The following CIZ1 variants were observed in gnomAD, a reference collection of about 807,000 sequenced individuals.
CIZ1 encodes CDKN1A interacting zinc finger protein 1, also known as cip1-interacting zinc finger protein.
In CIZ1, 58 loss-of-function variants were observed where a neutral mutation model predicts 118.6. That is an observed-to-expected ratio of 0.49 (90% confidence interval 0.40 to 0.61). The LOEUF is 0.61. Ranked by LOEUF, CIZ1 falls within the 20% of genes least tolerant of loss-of-function variation. The pLI is 0.00. For synonymous variants in CIZ1, 448 were observed against 443.4 expected (o/e 1.01, Z -0.13); for missense variants, 921 against 1,115.9 (o/e 0.83, Z 2.49).
chr9:128,195,734 C>A (rs1207906520), upstream of CIZ1, among the ~76,000 whole-genome samples: 1 of 152,124 alleles, frequency 6.6e-6, no homozygotes, highest in Non-Finnish European at 1.5e-5. Context: ...AATATGTTTA[C>A]CCCCTCATAG....
At position 128,177,546 on chromosome 9, in the gene CIZ1, C is replaced by CCAAAAAAAAGGA; in HGVS notation, c.1818+19_1818+20insTCCTTTTTTTTG. ...CACGCAGGCCCCACCCCTCCCCACCCTTATCTCCTGTATCAGTACCTGCTG... is the reference window on the plus strand; with the variant it reads ...CACGCAGGCCCCACCCCTCCCCACCCCAAAAAAAAGGATTATCTCCTGTATCAGTACCTGCTG... On this transcript the variant is annotated intron_variant, in intron 10 of 16. Coordinates refer to ENST00000372938, the MANE Select transcript of CIZ1 (RefSeq NM_001131016.2). 7.4e-7 allele frequency: 1 copy of CCAAAAAAAAGGA among 1,353,452 alleles called. No individual in the cohort carries two copies. Among genetic ancestry groups the CCAAAAAAAAGGA allele is most frequent in the Admixed American group, 2.6e-5 (1 of 38,496 alleles). The allele number at this position is 1,353,452 out of a possible 1,614,324, so 83.8% of individuals were successfully genotyped here. A position where few individuals can be genotyped will look rare whatever the true frequency, so the allele number is the denominator to read the frequency against.
chr9:128,200,663 A>AC (rs1414509487), intron 1 of CIZ1, among the ~76,000 whole-genome samples: 2 of 150,740 alleles, frequency 1.3e-5, no homozygotes, highest in African/African-American at 4.9e-5. Context: ...GTCTCAAAAA[A>AC]AAAAAAAGAA....
chr9:128,177,528 G>GCCCCCCCCCCCCCCCCCCCAA, intron 10 of CIZ1, 38 bp downstream of exon 10: 1 of 1,164,646 alleles, frequency 8.6e-7, no homozygotes, highest in East Asian at 2.9e-5. Flanking sequence ...TTCCACGCAG[G>GCCCCCCCCCCCCCCCCCCCAA]CCCCACCCCT....
At position 128,166,476 on chromosome 9, in the gene CIZ1, T is replaced by G. The variant is rs1829438208; in HGVS notation, c.2488-70A>C. 1 of 1,249,852 alleles carries G rather than the reference T, an allele frequency of 8.0e-7. No homozygotes were observed. The highest frequency in any genetic ancestry group is 1.1e-6 in the Non-Finnish European group (1 of 904,702). The allele number at this position is 1,249,852 out of a possible 1,614,324, so 77.4% of individuals were successfully genotyped here. On this transcript the variant is annotated intron_variant, in intron 16 of 16. Coordinates refer to ENST00000372938, the MANE Select transcript of CIZ1 (RefSeq NM_001131016.2). The surrounding 1 kb of genome is among the most constrained non-coding windows in gnomAD (Gnocchi z 4.4). ...TGGTATGCTCCTGGCCAGCAGCTAC[T>G]TCCCCAGCTCTGGCTGAGACAGTAT...
chr9:128,192,016 G>T, upstream of CIZ1: 1 of 932,944 alleles, frequency 1.1e-6, no homozygotes, highest in Non-Finnish European at 1.5e-6. Flanking sequence ...ACGGAGGGGT[G>T]GAGGGAGAGT....
Position 128,177,569 on chromosome 9 carries a change from C to A in CIZ1, c.1815G>T (p.Gln605His). The A allele has an allele frequency of 7.4e-7, 1 of 1,352,554 alleles. No individual in the cohort carries two copies. Among genetic ancestry groups the A allele is most frequent in the African/African-American group, 1.4e-5 (1 of 69,590 alleles). The allele number at this position is 1,352,554 out of a possible 1,614,324, so 83.8% of individuals were successfully genotyped here. A position where few individuals can be genotyped will look rare whatever the true frequency, so the allele number is the denominator to read the frequency against. Reference sequence around the variant, plus strand: ...CCCTTATCTCCTGTATCAGTACCTGCTGGCTGGAGCAGCTGGCCTTGCAGA... The same window carrying A: ...CCCTTATCTCCTGTATCAGTACCTGATGGCTGGAGCAGCTGGCCTTGCAGA... ...CYICKASCSS[Q>H]QEFQDHMSEP... Residue 605 changes from glutamine to histidine, a missense_variant, in exon 10 of 17, where the codon CAG becomes CAT. By Grantham distance (24) the Gln-to-His change is conservative. Coordinates refer to ENST00000372938, the MANE Select transcript of CIZ1 (RefSeq NM_001131016.2).
At chr9:128,191,906 G>T (rs1018803416), upstream of CIZ1, 1 of 1,441,536 alleles carries the variant, frequency 6.9e-7, no homozygotes, top group Non-Finnish European at 9.1e-7. The surrounding 1 kb of genome is among the most constrained non-coding windows in gnomAD (Gnocchi z 5.5). Flanking sequence ...GCGGGGCTGC[G>T]GTGAGAGGGG....
upstream of CIZ1, chr9:128,191,952 C>G: frequency 1.4e-6 from 2 of 1,395,306 alleles, no homozygotes; most frequent in Middle Eastern, 1.8e-4. This position sits in a 1 kb window ranked among gnomAD's most constrained non-coding sequence, Gnocchi z 5.5. Flanking sequence ...ATTCGAGGGA[C>G]CCAGGCCAGG....
Position 128,169,124 on chromosome 9 carries a change from C to T in CIZ1, c.2223G>A (p.Glu741=). 1 of 1,614,194 alleles carries T rather than the reference C, an allele frequency of 6.2e-7. No individual in the cohort carries two copies. The highest frequency in any genetic ancestry group is 8.5e-7 in the Non-Finnish European group (1 of 1,180,036). The part of the protein sequence containing the change: ...FITVDAVGCF[E]GDEEEEEDDE... ...CATCCTCTTCCTCTTCTTCATCACC[C>T]TCGAAGCAACCCACAGCGTCCACTG... is the stretch of plus-strand genomic sequence containing the variant. The change falls in exon 14 of 17, where the codon GAG becomes GAA. Residue 741 remains glutamate, a synonymous_variant. Transcript: ENST00000372938.
At chr9:128,182,559 C>T (rs554967396) in intron 5 of CIZ1, among the ~76,000 whole-genome samples, 6 of 152,286 alleles carry the variant, frequency 3.9e-5, no homozygotes, top group Admixed American at 2.0e-4. Context: ...ACACTCTGCA[C>T]ACCCACCCCT....
upstream of CIZ1, among the ~76,000 whole-genome samples, chr9:128,193,774 C>T (rs1452087175): frequency 1.3e-5 from 2 of 152,160 alleles, no homozygotes; most frequent in Non-Finnish European, 2.9e-5. Context: ...GATCTGGGTG[C>T]TAGCGTTGGA....
chr9:128,180,935 C>G (rs1446868928), intron 5 of CIZ1, 121 bp from the exon 6 acceptor site: 38 of 723,054 alleles, frequency 5.3e-5, no homozygotes, highest in South Asian at 4.3e-4. Context: ...CTCTGGTGGG[C>G]CTGGCCCCAG....
chr9:128,180,599 G>A, intron 6 of CIZ1, 76 bp from the exon 7 acceptor site: 2 of 1,429,208 alleles, frequency 1.4e-6, no homozygotes, highest in South Asian at 1.2e-5. Context: ...ATGGGGCCTG[G>A]GCTCCCCGCC....
intron 4 of CIZ1, among the ~76,000 whole-genome samples, chr9:128,186,666 G>A (rs1244026751): frequency 2.6e-5 from 4 of 152,144 alleles, no homozygotes; most frequent in Non-Finnish European, 5.9e-5. Flanking sequence ...GCATGGTCTG[G>A]CCCTTCCCAC....
At chr9:128,198,829 T>G (rs1833440650) in intron 1 of CIZ1, among the ~76,000 whole-genome samples, 1 of 148,998 alleles carries the variant, frequency 6.7e-6, no homozygotes, top group African/African-American at 2.5e-5. Context: ...AGACTCCATC[T>G]CAAAAAAACA....
Position 128,191,171 on chromosome 9 carries a change from A to G in CIZ1, c.-6+261T>C. 1 of 474,130 alleles carries G rather than the reference A, an allele frequency of 2.1e-6. No homozygotes were observed. The highest frequency in any genetic ancestry group is 3.7e-6 in the Non-Finnish European group (1 of 267,752). The allele number at this position is 474,130 out of a possible 1,614,324, so 29.4% of individuals were successfully genotyped here. On this transcript the variant is annotated intron_variant, in intron 1 of 16. Coordinates refer to ENST00000372938, the MANE Select transcript of CIZ1 (RefSeq NM_001131016.2). The surrounding 1 kb of genome is among the most constrained non-coding windows in gnomAD (Gnocchi z 5.5). ...GCTCCATCCTCCCACCCTCAGCCTC[A>G]GCCTCTCTCTGCGCCCATCACTTCC...
At position 128,198,763 on chromosome 9, in the gene CIZ1, C is replaced by T. The variant is rs45492396; in HGVS notation, c.-6+5423G>A. The stretch of plus-strand genomic sequence containing the variant: ...AGGGGAATCGCTTGAACCCAGGAGG[C>T]GGAGGTTGCAGTGAGCTGAGATCGT... On this transcript the variant is annotated intron_variant, in intron 1 of 17. Transcript: ENST00000372948. Among the ~76,000 whole-genome samples, 1,268 of 151,618 alleles carry T rather than the reference C, an allele frequency of 8.4e-3. 22 individuals carry two copies. Among genetic ancestry groups the T allele is most frequent in the African/African-American group, 0.029 (1,213 of 41,326 alleles).
At chr9:128,193,406 G>A (rs933450891), upstream of CIZ1, among the ~76,000 whole-genome samples, 1 of 152,112 alleles carries the variant, frequency 6.6e-6, no homozygotes, top group Non-Finnish European at 1.5e-5. Context: ...AGAGAGGGGC[G>A]AGTCAAGACT....
At chr9:128,189,490 T>A (rs1832859391) in intron 3 of CIZ1, among the ~76,000 whole-genome samples, 1 of 152,096 alleles carries the variant, frequency 6.6e-6, no homozygotes, top group African/African-American at 2.4e-5. Context: ...GGGATCATGG[T>A]TGTACCTCTC....
Sources: allele counts gnomAD v4.1 joint callset (sites outside exome capture counted in the v4.1 genomes callset), GRCh38; gene constraint gnomAD v4.1.1; non-coding constraint Gnocchi (gnomAD v3.1); transcripts MANE v1.5; gene names NCBI Gene and HGNC (gene_info 2026-07-23, HGNC 2026-07-21).